RPS6KA2: variants seen among roughly 807,000 people sequenced by gnomAD.
RPS6KA2 encodes ribosomal protein S6 kinase A2, also known as ribosomal protein S6 kinase alpha-2.
A neutral mutation model predicts 91.8 loss-of-function variants in RPS6KA2; 42 were observed. The ratio of observed to expected loss-of-function variants is 0.46; its 90% CI spans 0.36 to 0.59. The LOEUF (loss-of-function observed/expected upper bound fraction) is 0.59, where lower values mean the gene tolerates loss of function less well. Ranked by LOEUF, RPS6KA2 falls within the 20% of genes least tolerant of loss-of-function variation. The pLI, the probability that RPS6KA2 is intolerant of heterozygous loss-of-function variation, is 0.00. For synonymous variants in RPS6KA2, 414 were observed against 393.6 expected (o/e 1.05, Z -0.61); for missense variants, 798 against 978.5 (o/e 0.82, Z 2.46).
intron 10 of RPS6KA2, among the ~76,000 whole-genome samples, chr6:166,473,753 G>C (rs974555793): frequency 3.3e-5 from 5 of 151,906 alleles, no homozygotes; most frequent in Non-Finnish European, 7.4e-5. Flanking sequence ...GACACTTCTG[G>C]GAACATTCAG....
chr6:166,830,151 AAAGAAAG>A (rs1404684192), intron 2 of RPS6KA2, among the ~76,000 whole-genome samples: 1 of 40,090 alleles, frequency 2.5e-5, no homozygotes, highest in Admixed American at 2.8e-4. Flanking sequence ...AGAAAGAAAG[AAAGAAAG>A]AAAGAAAAGA....
intron 2 of RPS6KA2, chr6:166,701,924 A>G: frequency 8.8e-7 from 1 of 1,141,944 alleles, no homozygotes; most frequent in Non-Finnish European, 1.3e-6. Flanking sequence ...GTCTTGCTCA[A>G]TTTTTTTAAG....
At position 166,459,621 on chromosome 6, in the gene RPS6KA2, G is replaced by A. The variant is rs1248657606; in HGVS notation, c.973-70C>T. On this transcript the variant is annotated intron_variant, in intron 11 of 20. Transcript: ENST00000265678. The surrounding 1 kb of genome is among the most constrained non-coding windows in gnomAD (Gnocchi z 4.9). ...ACATTGCCACAGAACACTGGGGACA[G>A]AGAAACCTGCTGTGGGGAGGGAAGG... 9.1e-6 allele frequency: 10 copies of A among 1,094,046 alleles called. No individual in the cohort carries two copies. The East Asian group carries it at 2.2e-4, about 24-fold the overall frequency. The allele number at this position is 1,094,046 out of a possible 1,614,324, so 67.8% of individuals were successfully genotyped here.
intron 1 of RPS6KA2, among the ~76,000 whole-genome samples, chr6:166,571,187 A>G (rs759977890): frequency 2.6e-5 from 4 of 152,218 alleles, no homozygotes; most frequent in Non-Finnish European, 4.4e-5. Context: ...GCGCGGGACC[A>G]ACCCATAAGG....
At chr6:166,709,725 T>C (rs1010849263) in intron 2 of RPS6KA2, among the ~76,000 whole-genome samples, 2 of 152,204 alleles carry the variant, frequency 1.3e-5, no homozygotes, top group Admixed American at 6.5e-5. Flanking sequence ...ATTTCCTCTT[T>C]CTGGCCCAGA....
chr6:166,798,732 G>A (rs1033647655), intron 2 of RPS6KA2, among the ~76,000 whole-genome samples: 3 of 152,152 alleles, frequency 2.0e-5, no homozygotes, highest in Non-Finnish European at 4.4e-5. Context: ...GAACTTCTCT[G>A]GCCAATCCCT....
At chr6:166,497,280 C>G (rs917150272) in intron 8 of RPS6KA2, among the ~76,000 whole-genome samples, 2 of 152,234 alleles carry the variant, frequency 1.3e-5, no homozygotes, top group African/African-American at 4.8e-5. Context: ...TGCTTTGCTG[C>G]AGGCATTCTC....
intron 2 of RPS6KA2, among the ~76,000 whole-genome samples, chr6:166,683,826 T>A (rs9347148): frequency 6.6e-6 from 1 of 152,036 alleles, no homozygotes; most frequent in Non-Finnish European, 1.5e-5. Context: ...AGCCTGGAGA[T>A]ACAGGAGAGA....
chr6:166,509,017 A>T (rs1433314042), intron 4 of RPS6KA2, among the ~76,000 whole-genome samples: 3 of 152,228 alleles, frequency 2.0e-5, no homozygotes, highest in Admixed American at 2.0e-4. Context: ...ACCGCGTGGC[A>T]TCTTTTTTAT....
rs187211765 is a variant in RPS6KA2, at chr6:166,550,932, C to T, written c.100-12148G>A. Among the ~76,000 whole-genome samples, 530 of 140,168 alleles carry T rather than the reference C, an allele frequency of 3.8e-3. 4 individuals carry two copies. Among genetic ancestry groups the T allele is most frequent in the African/African-American group, 0.013 (499 of 38,248 alleles). 92.0% of individuals were successfully genotyped at this position (140,168 alleles called of 152,430 possible). A position where few individuals can be genotyped will look rare whatever the true frequency, so the allele number is the denominator to read the frequency against. On this transcript the variant is annotated intron_variant, in intron 1 of 20. Transcript: ENST00000265678. ...AGCGGAATCGCTTGAACCTGGGAGG[C>T]GGAGGTTGCAGTGAGCCGAGATCAC...
intron 2 of RPS6KA2, among the ~76,000 whole-genome samples, chr6:166,810,000 T>C (rs1282360963): frequency 6.6e-6 from 1 of 152,192 alleles, no homozygotes; most frequent in African/African-American, 2.4e-5. Context: ...CTTAAGTGAC[T>C]CACAGTTACG....
chr6:166,848,189 T>C (rs1780653246), intron 2 of RPS6KA2, among the ~76,000 whole-genome samples: 1 of 152,134 alleles, frequency 6.6e-6, no homozygotes, highest in Admixed American at 6.5e-5. Flanking sequence ...GGGAAATGCA[T>C]ATCAAAACCA....
rs952153634 is a variant in RPS6KA2 at position 166,434,773 on chromosome 6, C to T, written c.1333-2283G>A. Among the ~76,000 whole-genome samples the T allele has an allele frequency of 2.0e-5, 3 of 152,182 alleles. No individual in the cohort carries two copies. Among genetic ancestry groups the T allele is most frequent in the Admixed American group, 6.5e-5 (1 of 15,272 alleles). On this transcript the variant is annotated intron_variant, in intron 14 of 20. Coordinates refer to ENST00000265678, the MANE Select transcript of RPS6KA2 (RefSeq NM_021135.6). This position sits in a 1 kb window ranked among gnomAD's most constrained non-coding sequence, Gnocchi z 4.4. ...CAAGAAAGTGGGAGCTTTTTCTCCA[C>T]CGCCACGGACCATCTTCAAGATACA...
At chr6:166,685,504 C>A (rs1181930016) in intron 2 of RPS6KA2, among the ~76,000 whole-genome samples, 1 of 152,204 alleles carries the variant, frequency 6.6e-6, no homozygotes, top group East Asian at 1.9e-4. Flanking sequence ...TTCTTTCTGC[C>A]CTAGTTTCAT....
At chr6:166,818,062 A>G (rs1452154028) in intron 2 of RPS6KA2, among the ~76,000 whole-genome samples, 1 of 152,002 alleles carries the variant, frequency 6.6e-6, no homozygotes, top group Non-Finnish European at 1.5e-5. Context: ...ATATATTGAC[A>G]TTTCATCTAT....
intron 2 of RPS6KA2, among the ~76,000 whole-genome samples, chr6:166,636,446 A>G (rs1490084787): frequency 3.3e-5 from 5 of 151,498 alleles, no homozygotes; most frequent in Admixed American, 1.3e-4. Context: ...TCTCTCCACT[A>G]CTCTCTAGAA....
At chr6:166,598,696 G>A (rs1362291902) in intron 1 of RPS6KA2, among the ~76,000 whole-genome samples, 1 of 152,210 alleles carries the variant, frequency 6.6e-6, no homozygotes, top group African/African-American at 2.4e-5. Context: ...GGAATAGGAA[G>A]CCTGTTTTCT....
intron 2 of RPS6KA2, among the ~76,000 whole-genome samples, chr6:166,748,577 T>TCAGGCCCCCATCC (rs1791111182): frequency 3.9e-5 from 1 of 25,866 alleles, no homozygotes; most frequent in Non-Finnish European, 7.7e-5. Context: ...GGCCCCCACC[T>TCAGGCCCCCATCC]CCTCGGGCCC....
At chr6:166,588,748 G>A (rs1236436750) in intron 1 of RPS6KA2, among the ~76,000 whole-genome samples, 1 of 152,218 alleles carries the variant, frequency 6.6e-6, no homozygotes, top group African/African-American at 2.4e-5. Flanking sequence ...GATGGACACA[G>A]GGTTCCCGGA....
Sources: allele counts gnomAD v4.1 joint callset (sites outside exome capture counted in the v4.1 genomes callset), GRCh38; gene constraint gnomAD v4.1.1; non-coding constraint Gnocchi (gnomAD v3.1); transcripts MANE v1.5; gene names NCBI Gene and HGNC (gene_info 2026-07-23, HGNC 2026-07-21).